ERBB4: variants seen among roughly 807,000 people sequenced by gnomAD.
ERBB4 encodes erb-b2 receptor tyrosine kinase 4, also known as receptor tyrosine-protein kinase erbB-4.
A neutral mutation model predicts 158.0 loss-of-function variants in ERBB4; 42 were observed. The ratio of observed to expected loss-of-function variants is 0.27; its 90% CI spans 0.21 to 0.34. The LOEUF is 0.34. ERBB4 is among the 10% of genes least tolerant of loss of function. The pLI, the probability that ERBB4 is intolerant of heterozygous loss-of-function variation, is 1.00. For synonymous variants in ERBB4, 583 were observed against 558.7 expected (o/e 1.04, Z -0.61); for missense variants, 1,333 against 1,624.1 (o/e 0.82, Z 3.08).
chr2:211,745,863 T>G (rs185553275), intron 5 of ERBB4, among the ~76,000 whole-genome samples: 1 of 152,306 alleles, frequency 6.6e-6, no homozygotes, highest in East Asian at 1.9e-4. Flanking sequence ...TTGGCTAATT[T>G]CAAATCCAGC....
intron 3 of ERBB4, among the ~76,000 whole-genome samples, chr2:211,876,795 T>C (rs2078515007): frequency 6.6e-6 from 1 of 152,214 alleles, no homozygotes; most frequent in Non-Finnish European, 1.5e-5. Flanking sequence ...TGAAGATCGA[T>C]CCACTTTCCT....
In ERBB4 at chr2:212,069,944, C is replaced by A. The variant is rs906034484; in HGVS notation, c.234+54808G>T. ...ACCAGCCTGGGCAACATAGTAAGAA[C>A]CATGTCTTAAAAAAAAGAAAAAAGA... On this transcript the variant is annotated intron_variant, in intron 2 of 27. Transcript: ENST00000342788. Among the ~76,000 whole-genome samples the A allele has an allele frequency of 2.0e-5, 3 of 149,410 alleles. No homozygotes were observed. In the South Asian group the frequency reaches 6.5e-4, roughly 32 times the overall value.
chr2:211,899,445 C>G (rs2079178865), intron 3 of ERBB4, among the ~76,000 whole-genome samples: 1 of 151,974 alleles, frequency 6.6e-6, no homozygotes, highest in South Asian at 2.1e-4. Context: ...TATATTTTTT[C>G]TAATAAAAGT....
chr2:211,978,363 A>AGTGAGTCT (rs1553523368), intron 2 of ERBB4, among the ~76,000 whole-genome samples: 2 of 135,174 alleles, frequency 1.5e-5, no homozygotes, highest in Non-Finnish European at 3.2e-5. Flanking sequence ...AAGGAGTCTG[A>AGTGAGTCT]GTCTGTCTGT....
chr2:211,926,333 C>G (rs947408905), intron 3 of ERBB4, among the ~76,000 whole-genome samples: 4 of 152,144 alleles, frequency 2.6e-5, no homozygotes, highest in Non-Finnish European at 5.9e-5. Flanking sequence ...ACCCCAGTCT[C>G]TGATATTTCT....
intron 2 of ERBB4, among the ~76,000 whole-genome samples, chr2:212,071,381 C>T (rs572168152): frequency 6.6e-6 from 1 of 150,770 alleles, no homozygotes; most frequent in Admixed American, 6.6e-5. Context: ...ACACTATATG[C>T]AAAGAGCAAT....
chr2:212,379,076 G>A (rs948599378), intron 1 of ERBB4, among the ~76,000 whole-genome samples: 1 of 151,644 alleles, frequency 6.6e-6, no homozygotes, highest in Admixed American at 6.6e-5. Context: ...AAAAGTTCAA[G>A]TGAAATGTTC....
intron 1 of ERBB4, among the ~76,000 whole-genome samples, chr2:212,129,821 C>T (rs1332241548): frequency 6.6e-6 from 1 of 151,996 alleles, no homozygotes; most frequent in East Asian, 1.9e-4. Context: ...TTTTTTACTA[C>T]ATGCTGTTCA....
At chr2:211,991,375 A>G (rs2082071336) in intron 2 of ERBB4, among the ~76,000 whole-genome samples, 6 of 152,312 alleles carry the variant, frequency 3.9e-5, no homozygotes, top group African/African-American at 1.4e-4. Flanking sequence ...TTACATTTAA[A>G]TACATAAATA....
At chr2:212,261,085 G>A (rs1435187067) in intron 1 of ERBB4, among the ~76,000 whole-genome samples, 2 of 152,118 alleles carry the variant, frequency 1.3e-5, no homozygotes, top group African/African-American at 4.8e-5. Context: ...CCTCTTTGAA[G>A]CAGCTTCCTC....
intron 20 of ERBB4, among the ~76,000 whole-genome samples, chr2:211,530,628 A>C (rs954588122): frequency 1.3e-5 from 2 of 152,086 alleles, no homozygotes; most frequent in Admixed American, 6.5e-5. Flanking sequence ...AGTCGTTCAC[A>C]CCTGTAATCC....
chr2:211,554,068 T>C (rs2067173729), intron 20 of ERBB4, among the ~76,000 whole-genome samples: 1 of 152,162 alleles, frequency 6.6e-6, no homozygotes, highest in Non-Finnish European at 1.5e-5. Context: ...GAGACACAAC[T>C]ACAGATAAAA....
chr2:212,111,059 A>T (rs2079390372), intron 2 of ERBB4, among the ~76,000 whole-genome samples: 1 of 152,140 alleles, frequency 6.6e-6, no homozygotes, highest in African/African-American at 2.4e-5. Context: ...AGTAATAGAA[A>T]TTCAAGGAAC....
chr2:212,341,750 T>A (rs1035495978), intron 1 of ERBB4, among the ~76,000 whole-genome samples: 3 of 152,148 alleles, frequency 2.0e-5, no homozygotes, highest in Non-Finnish European at 4.4e-5. Context: ...ATCAAACTGG[T>A]AAGAATCTAT....
chr2:211,503,021 C>A (rs1340299223), intron 20 of ERBB4, among the ~76,000 whole-genome samples: 1 of 152,056 alleles, frequency 6.6e-6, no homozygotes, highest in Non-Finnish European at 1.5e-5. Context: ...ACTTGCTTGG[C>A]CTCACTAGTT....
At chr2:211,973,731 GTA>G (rs2081525217) in intron 2 of ERBB4, among the ~76,000 whole-genome samples, 1 of 152,108 alleles carries the variant, frequency 6.6e-6, no homozygotes, top group Non-Finnish European at 1.5e-5. Flanking sequence ...CCATGACTGG[GTA>G]TATACCCAAA....
At chr2:211,559,093 A>T (rs2067315660) in intron 20 of ERBB4, among the ~76,000 whole-genome samples, 2 of 152,130 alleles carry the variant, frequency 1.3e-5, no homozygotes, top group Non-Finnish European at 2.9e-5. Context: ...ACAAATGTTC[A>T]TCCCCCATCC....
chr2:211,938,934 T>A (rs998431438), intron 3 of ERBB4, among the ~76,000 whole-genome samples: 1 of 152,098 alleles, frequency 6.6e-6, no homozygotes, highest in Non-Finnish European at 1.5e-5. Context: ...CAGATAAGAG[T>A]TTAGCAAGCA....
chr2:211,952,381 G>T (rs2080896849), intron 2 of ERBB4, among the ~76,000 whole-genome samples: 1 of 152,140 alleles, frequency 6.6e-6, no homozygotes, highest in South Asian at 2.1e-4. Context: ...GATATTGGCA[G>T]ATCTGGATAA....
Sources: allele counts gnomAD v4.1 joint callset (sites outside exome capture counted in the v4.1 genomes callset), GRCh38; gene constraint gnomAD v4.1.1; transcripts MANE v1.5; gene names NCBI Gene and HGNC (gene_info 2026-07-23, HGNC 2026-07-21).